Variants in SCFD2 observed in about 807,000 individuals in gnomAD.
SCFD2 encodes sec1 family domain-containing protein 2.
In SCFD2, 54 loss-of-function variants were observed where a neutral mutation model predicts 58.9. The observed-to-expected ratio is 0.92, with a 90% CI of 0.74 to 1.15. SCFD2 has a LOEUF of 1.15. Among genes scored for constraint, SCFD2 ranks in the 50% most tolerant of loss-of-function variants. The pLI is 0.00. For missense variants in SCFD2, 805 were observed against 836.6 expected (o/e 0.96, Z 0.47); for synonymous variants, 321 against 335.9 (o/e 0.96, Z 0.49).
At chr4:53,047,446 T>A (rs1173705073) in intron 5 of SCFD2, among the ~76,000 whole-genome samples, 1 of 152,168 alleles carries the variant, frequency 6.6e-6, no homozygotes, top group Admixed American at 6.5e-5. Context: ...AGACCCTGTC[T>A]CTAAAACAAA....
intron 4 of SCFD2, among the ~76,000 whole-genome samples, chr4:53,208,242 G>A (rs1369193633): frequency 1.3e-5 from 2 of 151,696 alleles, no homozygotes; most frequent in Non-Finnish European, 2.9e-5. Context: ...CAAAGTCCTG[G>A]GCCAGACACG....
chr4:53,153,117 C>A (rs546255188), intron 4 of SCFD2, among the ~76,000 whole-genome samples: 1 of 152,306 alleles, frequency 6.6e-6, no homozygotes, highest in South Asian at 2.1e-4. Context: ...GAGGATGGTG[C>A]CCTCCTTCCC....
intron 4 of SCFD2, among the ~76,000 whole-genome samples, chr4:53,180,875 C>A (rs1376136893): frequency 7.2e-5 from 11 of 152,158 alleles, no homozygotes; most frequent in South Asian, 4.1e-4. Context: ...CTATAAACAC[C>A]TCTACGCAAA....
At chr4:52,947,501 T>C (rs888919050) in intron 5 of SCFD2, among the ~76,000 whole-genome samples, 3 of 152,146 alleles carry the variant, frequency 2.0e-5, no homozygotes, top group African/African-American at 7.2e-5. Flanking sequence ...AGAATAACCA[T>C]GAAAAATTTG....
intron 5 of SCFD2, among the ~76,000 whole-genome samples, chr4:53,000,773 T>TA (rs994617382): frequency 2.6e-5 from 4 of 152,180 alleles, no homozygotes; most frequent in Non-Finnish European, 5.9e-5. Context: ...GAGGACCTGT[T>TA]ACACTAACAT....
At chr4:53,227,322 C>G (rs1729250495) in intron 4 of SCFD2, among the ~76,000 whole-genome samples, 1 of 151,958 alleles carries the variant, frequency 6.6e-6, no homozygotes. Context: ...TGGCAATTTC[C>G]TTGATGATTT....
At chr4:53,114,964 C>T (rs550280005) in intron 5 of SCFD2, among the ~76,000 whole-genome samples, 1 of 151,964 alleles carries the variant, frequency 6.6e-6, no homozygotes, top group African/African-American at 2.4e-5. Flanking sequence ...CTAGAGCAAC[C>T]TCTAACAACA....
chr4:53,117,672 T>G (rs576416828), intron 5 of SCFD2, among the ~76,000 whole-genome samples: 3 of 152,286 alleles, frequency 2.0e-5, no homozygotes, highest in East Asian at 3.9e-4. Context: ...AGGAGTTTTG[T>G]GCACACTAGA....
chr4:53,183,476 G>A (rs2148951091), intron 4 of SCFD2, among the ~76,000 whole-genome samples: 1 of 152,124 alleles, frequency 6.6e-6, no homozygotes, highest in East Asian at 1.9e-4. Context: ...ACACAGGAAG[G>A]GGAACATCAC....
At chr4:52,918,666 A>C (rs1297970042) in intron 6 of SCFD2, among the ~76,000 whole-genome samples, 3 of 152,216 alleles carry the variant, frequency 2.0e-5, no homozygotes, top group African/African-American at 7.2e-5. Flanking sequence ...AAAGACATTA[A>C]GTATACATAC....
At position 53,085,684 on chromosome 4, in the gene SCFD2, G is replaced by A. The variant is rs552137994; in HGVS notation, c.1561+59649C>T. Among the ~76,000 whole-genome samples, 19 of 152,154 alleles carry A rather than the reference G, an allele frequency of 1.2e-4. No individual in the cohort carries two copies. In the South Asian group the frequency reaches 3.9e-3, roughly 32 times the overall value. On this transcript the variant is annotated intron_variant, in intron 5 of 8. Transcript: ENST00000401642. ...ATAGCATGGCACTGGCATAAAAACA[G>A]ACACATAGACCAATGAAACATAATA... is the stretch of plus-strand genomic sequence containing the variant.
chr4:52,931,764 G>T (rs1165653791), intron 5 of SCFD2, among the ~76,000 whole-genome samples: 1 of 152,220 alleles, frequency 6.6e-6, no homozygotes, highest in Non-Finnish European at 1.5e-5. Context: ...AAGCCCAGAT[G>T]CATCTTCTGT....
chr4:53,185,467 T>C (rs1294259781), intron 4 of SCFD2, among the ~76,000 whole-genome samples: 3 of 152,090 alleles, frequency 2.0e-5, no homozygotes, highest in Non-Finnish European at 4.4e-5. Flanking sequence ...GTGCTGCTCT[T>C]AAAATTCTAT....
At chr4:52,981,539 A>AAG (rs1721375059) in intron 5 of SCFD2, among the ~76,000 whole-genome samples, 1 of 152,186 alleles carries the variant, frequency 6.6e-6, no homozygotes, top group Non-Finnish European at 1.5e-5. Context: ...AGATAAATTC[A>AAG]AGAGAACTGC....
rs1180529589 is a variant in SCFD2 at position 53,164,655 on chromosome 4, G to A, written c.1312-19073C>T. 2.0e-5 allele frequency among the ~76,000 whole-genome samples: 3 copies of A among 152,068 alleles called. No homozygotes were observed. In the East Asian group the frequency reaches 5.8e-4, roughly 29 times the overall value. ...CTAAAAATACAAAAATTAGCCGGGT[G>A]TGGTGGCATGCCTGTAGTTCCGGCC... On this transcript the variant is annotated intron_variant, in intron 4 of 8. Transcript: ENST00000401642.
chr4:53,109,421 C>T (rs1268457862), intron 5 of SCFD2, among the ~76,000 whole-genome samples: 1 of 152,166 alleles, frequency 6.6e-6, no homozygotes, highest in African/African-American at 2.4e-5. Flanking sequence ...GAGAGGAAGT[C>T]AAATTGTCTC....
At chr4:52,899,277 G>A (rs1482562405) in intron 7 of SCFD2, among the ~76,000 whole-genome samples, 2 of 152,194 alleles carry the variant, frequency 1.3e-5, no homozygotes, top group African/African-American at 2.4e-5. Flanking sequence ...TGTTTTTGCA[G>A]TGGCTGGTAC....
At chr4:53,349,068 A>C in intron 2 of SCFD2, among the ~76,000 whole-genome samples, 1 of 152,170 alleles carries the variant, frequency 6.6e-6, no homozygotes, top group Non-Finnish European at 1.5e-5. Context: ...AATGAGAAGA[A>C]AAGGACAGCG....
At chr4:52,920,985 T>C in intron 5 of SCFD2, 115 bp from the exon 6 acceptor site, 2 of 459,074 alleles carry the variant, frequency 4.4e-6, no homozygotes, top group East Asian at 7.2e-5. Flanking sequence ...ATTATTATTA[T>C]TATTATTGTT....
Sources: allele counts gnomAD v4.1 joint callset (sites outside exome capture counted in the v4.1 genomes callset), GRCh38; gene constraint gnomAD v4.1.1; transcripts MANE v1.5; gene names NCBI Gene and HGNC (gene_info 2026-07-23, HGNC 2026-07-21).